The following ADAMTSL1 variants were observed in gnomAD, a reference collection of about 807,000 sequenced individuals.
ADAMTSL1 encodes ADAMTS-like protein 1.
ADAMTSL1 carries 126 observed loss-of-function variants against 201.8 expected under a neutral mutation model. That is an observed-to-expected ratio of 0.62 (90% CI 0.54 to 0.72). The LOEUF (loss-of-function observed/expected upper bound fraction) is 0.72, where lower values mean the gene tolerates loss of function less well. Ranked by LOEUF, ADAMTSL1 falls within the 30% of genes least tolerant of loss-of-function variation. The probability of loss-of-function intolerance (pLI) is 0.00; values close to 1 mark genes in which losing one functional copy is unlikely to be tolerated. For missense variants in ADAMTSL1, 2,679 were observed against 2,277.8 expected (o/e 1.18, Z -3.59); for synonymous variants, 1,121 against 903.4 (o/e 1.24, Z -4.32).
At chr9:18,236,103 C>CA (rs1382424827) in intron 2 of ADAMTSL1, among the ~76,000 whole-genome samples, 1 of 152,160 alleles carries the variant, frequency 6.6e-6, no homozygotes, top group Non-Finnish European at 1.5e-5. Flanking sequence ...TACCCTCACC[C>CA]AAAATCTATC....
At chr9:17,970,711 C>G (rs937061016) in intron 1 of ADAMTSL1, among the ~76,000 whole-genome samples, 6 of 151,998 alleles carry the variant, frequency 3.9e-5, no homozygotes, top group African/African-American at 1.4e-4. Context: ...TTCTGCTCCC[C>G]CTTGACCCCT....
intron 1 of ADAMTSL1, among the ~76,000 whole-genome samples, chr9:18,109,762 A>G (rs971394585): frequency 6.6e-6 from 1 of 152,182 alleles, no homozygotes; most frequent in African/African-American, 2.4e-5. Flanking sequence ...CTTAGCTGTC[A>G]GCAGCGTGGC....
chr9:18,282,821 C>T (rs552029202), intron 2 of ADAMTSL1, among the ~76,000 whole-genome samples: 9 of 152,130 alleles, frequency 5.9e-5, no homozygotes, highest in Non-Finnish European at 1.3e-4. Context: ...CGCTTGAACC[C>T]GGGAGACAGA....
At chr9:18,348,424 G>A (rs78741339) in intron 2 of ADAMTSL1, among the ~76,000 whole-genome samples, 3,336 of 152,228 alleles carry the variant, frequency 0.022, 115 homozygotes, top group African/African-American at 0.075. Context: ...TTTTGGACAA[G>A]TTGCTTAATT....
intron 1 of ADAMTSL1, among the ~76,000 whole-genome samples, chr9:17,954,359 A>G (rs533538774): frequency 1.1e-4 from 17 of 152,348 alleles, no homozygotes; most frequent in African/African-American, 3.6e-4. Context: ...AAGAATTAGA[A>G]GCCATCTCAA....
intron 2 of ADAMTSL1, among the ~76,000 whole-genome samples, chr9:18,169,759 A>G (rs1265080850): frequency 6.6e-6 from 1 of 152,164 alleles, no homozygotes; most frequent in Non-Finnish European, 1.5e-5. Context: ...ACCCATGAGC[A>G]TGGAATGTTC....
rs187380090 is a variant in ADAMTSL1 at position 18,329,268 on chromosome 9, G to A, written c.207+165287G>A. 4.2e-3 allele frequency among the ~76,000 whole-genome samples: 634 copies of A among 152,280 alleles called. 1 individual carries two copies. The highest frequency in any genetic ancestry group is 5.6e-3 in the Non-Finnish European group (383 of 68,016). On this transcript the variant is annotated intron_variant, in intron 2 of 29. Coordinates refer to the ADAMTSL1 transcript ENST00000680146. ...CTTGGGCTTCCCAGCCTCTAGAACT[G>A]TGAGAAATCAATTTCAGTTTTTTAT...
chr9:18,669,844 C>T (rs893525368), intron 9 of ADAMTSL1, among the ~76,000 whole-genome samples: 1 of 152,140 alleles, frequency 6.6e-6, no homozygotes, highest in Middle Eastern at 3.4e-3. Flanking sequence ...TTAGTTTTTG[C>T]GGATGGCCAA....
chr9:18,454,159 G>T (rs1820517850), intron 2 of ADAMTSL1, among the ~76,000 whole-genome samples: 1 of 152,140 alleles, frequency 6.6e-6, no homozygotes, highest in Admixed American at 6.5e-5. Context: ...CTCAGAACCA[G>T]AAAAGACAGT....
Position 18,777,388 on chromosome 9 carries a change from C to G in ADAMTSL1, c.3159C>G (p.Thr1053=), listed in dbSNP as rs530658181. 1 of 1,603,292 alleles carries G rather than the reference C, an allele frequency of 6.2e-7. No homozygotes were observed. ...EAQDSAERNT[T]SEEDPGAEQV... is the part of the protein sequence containing the mutation. The stretch of plus-strand genomic sequence containing the variant: ...AGGACTCTGCGGAAAGGAACACGAC[C>G]TCGGAGGAGGACCCGGGTGCAGAGC... Residue 1053 remains threonine (T), a synonymous_variant, in exon 19 of 29, where the codon ACC becomes ACG. Coordinates refer to ENST00000380548, the MANE Select transcript of ADAMTSL1 (RefSeq NM_001040272.6).
At chr9:17,937,646 T>TC (rs1337338603) in intron 1 of ADAMTSL1, among the ~76,000 whole-genome samples, 21 of 3,468 alleles carry the variant, frequency 6.1e-3, no homozygotes, top group African/African-American at 9.1e-3. Context: ...TTTAAATTCC[T>TC]TAAATACTAA....
chr9:18,625,606 A>G (rs534179343), intron 5 of ADAMTSL1, among the ~76,000 whole-genome samples: 1 of 152,276 alleles, frequency 6.6e-6, no homozygotes, highest in African/African-American at 2.4e-5. Flanking sequence ...ATAGTCAAAT[A>G]TAGCTGACAT....
intron 2 of ADAMTSL1, among the ~76,000 whole-genome samples, chr9:18,514,659 C>G (rs1818258167): frequency 6.6e-6 from 1 of 152,154 alleles, no homozygotes; most frequent in African/African-American, 2.4e-5. Context: ...TTGTATCCCT[C>G]AGTTTTACTC....
chr9:18,300,984 GTA>G (rs1479243061), intron 2 of ADAMTSL1, among the ~76,000 whole-genome samples: 1 of 152,138 alleles, frequency 6.6e-6, no homozygotes, highest in Non-Finnish European at 1.5e-5. Flanking sequence ...GCAAAAAAAT[GTA>G]CAATTATTTC....
chr9:18,491,558 C>T (rs1386307435), intron 1 of ADAMTSL1, among the ~76,000 whole-genome samples: 1 of 152,182 alleles, frequency 6.6e-6, no homozygotes, highest in African/African-American at 2.4e-5. Context: ...CACAAAAAAT[C>T]ATGTCATGTT....
chr9:18,466,999 T>G (rs1380811047), intron 2 of ADAMTSL1, among the ~76,000 whole-genome samples: 3 of 152,244 alleles, frequency 2.0e-5, no homozygotes, highest in African/African-American at 7.2e-5. Flanking sequence ...CTTTTCTTTT[T>G]CTCTACTGTC....
chr9:18,390,811 A>AC (rs1338196695), intron 2 of ADAMTSL1, among the ~76,000 whole-genome samples: 1 of 152,202 alleles, frequency 6.6e-6, no homozygotes, highest in Non-Finnish European at 1.5e-5. Context: ...ACAAAACAAA[A>AC]AAAAACACCA....
chr9:17,990,354 A>G (rs1442450681), intron 1 of ADAMTSL1, among the ~76,000 whole-genome samples: 1 of 152,028 alleles, frequency 6.6e-6, no homozygotes, highest in African/African-American at 2.4e-5. Flanking sequence ...GAAGGTTTAC[A>G]TACTTAATCA....
intron 8 of ADAMTSL1, among the ~76,000 whole-genome samples, chr9:18,658,604 C>G (rs926714496): frequency 4.6e-5 from 7 of 152,158 alleles, no homozygotes; most frequent in Non-Finnish European, 1.0e-4. Context: ...TGAAAAGTCA[C>G]AAAATAAACT....
Sources: gnomAD v4.1 joint callset for allele counts (sites outside exome capture counted in the v4.1 genomes callset) on GRCh38, gnomAD v4.1.1 for gene constraint, MANE v1.5 for transcripts, NCBI Gene and HGNC (gene_info 2026-07-23, HGNC 2026-07-21) for gene names.